GRK7: variants seen among roughly 807,000 people sequenced by gnomAD.
The protein encoded by GRK7 is G protein-coupled receptor kinase 7, also known as rhodopsin kinase GRK7.
Under a neutral mutation model 34.1 loss-of-function variants are expected in GRK7, and 24 were observed. That is an observed-to-expected ratio of 0.70 (90% CI 0.51 to 0.99). GRK7 has a LOEUF of 0.99. Ranked by LOEUF, GRK7 falls within the 50% of genes least tolerant of loss-of-function variation. The pLI is 0.00. For synonymous variants in GRK7, 256 were observed against 279.4 expected, an observed-to-expected ratio of 0.92 and a Z score of 0.84; for missense variants, 644 against 707.3, an observed-to-expected ratio of 0.91 and a Z score of 1.02.
intron 5 of GRK7, among the ~76,000 whole-genome samples, chr3:141,811,854 A>G (rs570727059): frequency 1.3e-5 from 2 of 152,326 alleles, no homozygotes; most frequent in South Asian, 4.1e-4. Flanking sequence ...GAAAAGGATT[A>G]CCTTCTTTGC....
At chr3:141,783,186 C>T (rs1193580799) in intron 4 of GRK7, among the ~76,000 whole-genome samples, 1 of 152,210 alleles carries the variant, frequency 6.6e-6, no homozygotes, top group East Asian at 1.9e-4. Context: ...AAGCTCCATC[C>T]AACAGCTTTC....
chr3:141,781,722 A>C (rs1429723854), intron 4 of GRK7, among the ~76,000 whole-genome samples: 1 of 152,210 alleles, frequency 6.6e-6, no homozygotes, highest in African/African-American at 2.4e-5. Context: ...GAAGAAAACA[A>C]AGGCAACTGA....
chr3:141,778,455 CA>C lies in GRK7; in HGVS notation c.172del (p.Ser58AlafsTer17). The C allele has an allele frequency of 6.2e-7, 1 of 1,613,164 alleles. No individual in the cohort carries two copies. The highest frequency in any genetic ancestry group is 8.5e-7 in the Non-Finnish European group (1 of 1,179,928). ...LRQKLSLNFH[S>X]LCEQQPIGRR... ...GCCAGAAGCTGTCCCTGAACTTCCA[CA>C]GCCTGTGTGAGCAGCAGCCCATCGG... On this transcript the variant is annotated frameshift_variant, in exon 3 of 6. Transcript: ENST00000682958. LOFTEE classifies it high-confidence loss of function. This position sits in a 1 kb window ranked among gnomAD's most constrained non-coding sequence, Gnocchi z 4.1.
chr3:141,763,652 T>C lies in GRK7; in HGVS notation c.-2301T>C, dbSNP rs1256048425. 6.6e-6 allele frequency among the ~76,000 whole-genome samples: 1 copy of C among 152,206 alleles called. No individual in the cohort carries two copies. Among genetic ancestry groups the C allele is most frequent in the African/African-American group, 2.4e-5 (1 of 41,454 alleles). On this transcript the variant is annotated 5_prime_UTR_variant, in exon 1 of 6. Transcript: ENST00000682958. ...CAACACTGTCCACCACCATCTGCTT[T>C]GAGTCCAGCAATCTCATCCTGCCCT...
intron 4 of GRK7, among the ~76,000 whole-genome samples, chr3:141,802,387 C>CACACACACACACACACACACAT (rs1314129588): frequency 6.6e-6 from 1 of 151,884 alleles, no homozygotes; most frequent in Non-Finnish European, 1.5e-5. Context: ...CACACACACA[C>CACACACACACACACACACACAT]ACACACACAT....
chr3:141,793,569 G>T (rs928987032), intron 4 of GRK7, among the ~76,000 whole-genome samples: 5 of 152,188 alleles, frequency 3.3e-5, no homozygotes, highest in African/African-American at 1.2e-4. Context: ...ATCCTTCAGG[G>T]AGCTCTGGAG....
At chr3:141,780,308 T>A (rs1278602770) in intron 3 of GRK7, 66 bp from the exon 4 acceptor site, 6 of 1,345,404 alleles carry the variant, frequency 4.5e-6, no homozygotes, top group Non-Finnish European at 6.1e-6. Flanking sequence ...TCCTCCTTTA[T>A]CATCTCCACC....
intron 1 of GRK7, among the ~76,000 whole-genome samples, chr3:141,772,362 G>A (rs993272185): frequency 6.6e-5 from 10 of 152,194 alleles, no homozygotes; most frequent in Non-Finnish European, 8.8e-5. Context: ...CAAAGTGCTG[G>A]GATTACAGGC....
rs150445233 is a variant in GRK7 at position 141,778,728 on chromosome 3, G to T, written c.444G>T (p.Thr148=). 1,253 of 1,611,042 alleles carry T rather than the reference G, an allele frequency of 7.8e-4. 19 individuals are homozygous for T. In the South Asian group the frequency reaches 0.013, roughly 17 times the overall value. ...TTEEERVAAV[T]LAKAEAMAFL... is the part of the protein sequence containing the mutation. ...AGGAAGAGCGAGTGGCTGCAGTGAC[G>T]CTGGCCAAGGCTGAGGCCATGGCTT... is the stretch of plus-strand genomic sequence containing the variant. The change falls in exon 3 of 6, where the codon ACG becomes ACT. Residue 148 remains threonine (T), a synonymous_variant. Coordinates refer to ENST00000682958, the MANE Select transcript of GRK7 (RefSeq NM_139209.3). The surrounding 1 kb of genome is among the most constrained non-coding windows in gnomAD (Gnocchi z 4.1).
intron 1 of GRK7, among the ~76,000 whole-genome samples, chr3:141,771,520 C>T (rs2084616815): frequency 6.7e-6 from 1 of 148,722 alleles, no homozygotes; most frequent in Non-Finnish European, 1.5e-5. Context: ...ATAATAAACA[C>T]TAAAGTCTGG....
At chr3:141,789,821 C>A (rs1171565032) in intron 4 of GRK7, among the ~76,000 whole-genome samples, 1 of 152,180 alleles carries the variant, frequency 6.6e-6, no homozygotes, top group East Asian at 1.9e-4. Flanking sequence ...TCTTGGGACC[C>A]TTTACAAAAA....
At chr3:141,751,092 C>G in the GRK7 span, among the ~76,000 whole-genome samples, 1 of 152,174 alleles carries the variant, frequency 6.6e-6, no homozygotes, top group Non-Finnish European at 1.5e-5. Flanking sequence ...AAATCTTGCT[C>G]AAAAACTCTT....
chr3:141,756,532 A>C, the GRK7 span, among the ~76,000 whole-genome samples: 1 of 152,200 alleles, frequency 6.6e-6, no homozygotes, highest in African/African-American at 2.4e-5. Flanking sequence ...GGAAAAGGGC[A>C]TGGGAAACTT....
intron 4 of GRK7, among the ~76,000 whole-genome samples, chr3:141,805,259 G>A (rs932065757): frequency 2.9e-4 from 44 of 152,168 alleles, no homozygotes; most frequent in African/African-American, 9.7e-4. Flanking sequence ...TACAGGTCTC[G>A]GTATCCCTGG....
chr3:141,779,573 T>C (rs1311710270), intron 3 of GRK7, among the ~76,000 whole-genome samples: 1 of 152,176 alleles, frequency 6.6e-6, no homozygotes, highest in Non-Finnish European at 1.5e-5. Flanking sequence ...ATTAACTGTT[T>C]TAAAATGTAC....
chr3:141,752,842 A>G, the GRK7 span, among the ~76,000 whole-genome samples: 33 of 152,290 alleles, frequency 2.2e-4, no homozygotes, highest in African/African-American at 7.9e-4. Context: ...TAGGAAGAGG[A>G]TGAGAGGGAT....
At position 141,815,033 on chromosome 3, in the gene GRK7, T is replaced by A. The variant is rs189644216; in HGVS notation, c.1326-1681T>A. On this transcript the variant is annotated intron_variant, in intron 5 of 5. Transcript: ENST00000682958. ...TCCGCCTCCTGGGTTCAAGCAATTC[T>A]CTTGCCTCAGCCTCCTGAGTAGCTG... Among the ~76,000 whole-genome samples, 9 of 150,120 alleles carry A rather than the reference T, an allele frequency of 6.0e-5. No homozygotes were observed. The East Asian group carries it at 1.9e-3, about 31-fold the overall frequency.
intron 5 of GRK7, among the ~76,000 whole-genome samples, chr3:141,810,680 C>G (rs1035263663): frequency 6.6e-6 from 1 of 152,064 alleles, no homozygotes; most frequent in Non-Finnish European, 1.5e-5. Context: ...CCACACCCAG[C>G]TACTTTTTGT....
chr3:141,799,864 G>T (rs1710933093), intron 4 of GRK7, among the ~76,000 whole-genome samples: 1 of 152,046 alleles, frequency 6.6e-6, no homozygotes, highest in Non-Finnish European at 1.5e-5. Context: ...TTTGTTCATG[G>T]CAAGGTATGT....
Sources: gnomAD v4.1 joint callset for allele counts (sites outside exome capture counted in the v4.1 genomes callset) on GRCh38, gnomAD v4.1.1 for gene constraint, Gnocchi (gnomAD v3.1) non-coding constraint, MANE v1.5 for transcripts, NCBI Gene and HGNC (gene_info 2026-07-23, HGNC 2026-07-21) for gene names.